Variants in JAKMIP3 observed in about 807,000 individuals in gnomAD.
The protein encoded by JAKMIP3 is janus kinase and microtubule-interacting protein 3.
In JAKMIP3, 58 loss-of-function variants were observed where a neutral mutation model predicts 118.5. The observed-to-expected ratio is 0.49, with a 90% CI of 0.40 to 0.61. JAKMIP3 has a LOEUF of 0.61. Ranked by LOEUF, JAKMIP3 falls within the 20% of genes least tolerant of loss-of-function variation. JAKMIP3 has a pLI of 0.00. For missense variants in JAKMIP3, 950 were observed against 1,109.0 expected, an observed-to-expected ratio of 0.86 and a Z score of 2.04; for synonymous variants, 486 against 451.2, an observed-to-expected ratio of 1.08 and a Z score of -0.98.
At chr10:132,151,604 C>T (rs2056226311) in intron 16 of JAKMIP3, among the ~76,000 whole-genome samples, 1 of 152,226 alleles carries the variant, frequency 6.6e-6, no homozygotes, top group African/African-American at 2.4e-5. Context: ...CTGTATTGGG[C>T]AACTCTGATT....
chr10:132,142,924 G>A (rs1257892362), intron 11 of JAKMIP3, among the ~76,000 whole-genome samples: 2 of 152,188 alleles, frequency 1.3e-5, no homozygotes, highest in Non-Finnish European at 2.9e-5. Flanking sequence ...CTGGGTGGGG[G>A]ACGGACCTCT....
rs1176123974 is a variant in JAKMIP3, at chr10:132,142,062, C to A, written c.1602+14C>A. ...CGAGAAGTTAAGGTCTACGTGACTTCCACCGCGCGTTCCGGCCCCCCTCGT... is the reference window on the plus strand; with the variant it reads ...CGAGAAGTTAAGGTCTACGTGACTTACACCGCGCGTTCCGGCCCCCCTCGT... On this transcript the variant is annotated intron_variant, in intron 11 of 23. Transcript: ENST00000684848. The A allele has an allele frequency of 6.8e-7, 1 of 1,470,480 alleles. No individual in the cohort carries two copies. Among genetic ancestry groups the A allele is most frequent in the Admixed American group, 2.1e-5 (1 of 46,988 alleles). The allele number at this position is 1,470,480 out of a possible 1,614,324, so 91.1% of individuals were successfully genotyped here.
chr10:132,115,050 G>A (rs896919711), intron 2 of JAKMIP3, among the ~76,000 whole-genome samples: 6 of 152,154 alleles, frequency 3.9e-5, no homozygotes, highest in Non-Finnish European at 8.8e-5. Context: ...ATCGGGCGAG[G>A]GTGAATTACG....
At chr10:132,076,886 C>A (rs2040889309) in intron 1 of JAKMIP3, among the ~76,000 whole-genome samples, 1 of 151,072 alleles carries the variant, frequency 6.6e-6, no homozygotes, top group Non-Finnish European at 1.5e-5. Context: ...GTCCCCGGGT[C>A]TGACTGATTA....
At chr10:132,159,670 G>GCAT (rs2057720480) in intron 19 of JAKMIP3, among the ~76,000 whole-genome samples, 1 of 118,766 alleles carries the variant, frequency 8.4e-6, no homozygotes, top group African/African-American at 3.3e-5. Flanking sequence ...GATGCTGGGG[G>GCAT]GTCCTCTCCC....
intron 5 of JAKMIP3, among the ~76,000 whole-genome samples, 192 bp from the exon 6 acceptor site, chr10:132,135,738 C>T (rs1411184683): frequency 6.6e-6 from 1 of 152,186 alleles, no homozygotes; most frequent in Non-Finnish European, 1.5e-5. Context: ...AGCAGGTTCA[C>T]CAGTGCTCTG....
At chr10:132,166,004 A>G (rs1371880684) in intron 21 of JAKMIP3, among the ~76,000 whole-genome samples, 1 of 152,184 alleles carries the variant, frequency 6.6e-6, no homozygotes, top group African/African-American at 2.4e-5. Flanking sequence ...TCTTAACCTA[A>G]GGATATTTGT....
chr10:132,120,237 G>A (rs1788403379), intron 3 of JAKMIP3, among the ~76,000 whole-genome samples: 1 of 152,026 alleles, frequency 6.6e-6, no homozygotes, highest in Non-Finnish European at 1.5e-5. Context: ...CCTGTCAGTG[G>A]GAAGACCAGT....
At chr10:132,124,532 C>T (rs537383646) in intron 3 of JAKMIP3, among the ~76,000 whole-genome samples, 42 of 150,062 alleles carry the variant, frequency 2.8e-4, no homozygotes, top group African/African-American at 9.0e-4. Context: ...CGGCACATCA[C>T]AGCTGAGCTG....
At chr10:132,106,741 C>G (rs1265709031) in intron 2 of JAKMIP3, among the ~76,000 whole-genome samples, 2 of 152,212 alleles carry the variant, frequency 1.3e-5, no homozygotes, top group East Asian at 1.9e-4. Context: ...GGGGAGTTGC[C>G]CCAAATGGAG....
upstream of JAKMIP3, among the ~76,000 whole-genome samples, chr10:132,062,064 C>T (rs749240811): frequency 1.7e-4 from 26 of 151,494 alleles, no homozygotes; most frequent in South Asian, 2.1e-4. Context: ...TGAGCCCAGA[C>T]GAAGAAACCT....
At chr10:132,138,294 G>A in intron 9 of JAKMIP3, 116 bp downstream of exon 9, 1 of 907,316 alleles carries the variant, frequency 1.1e-6, no homozygotes, top group Non-Finnish European at 1.7e-6. Context: ...CGGTGTACGT[G>A]GAGGGCGCTG....
chr10:132,139,434 G>A (rs199737623), intron 9 of JAKMIP3, among the ~76,000 whole-genome samples: 6 of 124,440 alleles, frequency 4.8e-5, no homozygotes, highest in Non-Finnish European at 1.1e-4. Flanking sequence ...GTGTGTTTGT[G>A]TGTACATGTG....
Position 132,133,379 on chromosome 10 carries a change from G to A in JAKMIP3, c.701G>A (p.Gly234Glu). 6.2e-7 allele frequency: 1 copy of A among 1,602,862 alleles called. No individual in the cohort carries two copies. Among genetic ancestry groups the A allele is most frequent in the South Asian group, 1.1e-5 (1 of 88,774 alleles). The stretch of plus-strand genomic sequence containing the variant: ...GAGAGAGAGTTAGGGGTTCAAGCCG[G>A]GCATGCTCAGAGACTGCAGCTCCAA... Reference protein sequence around the residue: ...VLERELGVQAGHAQRLQLQKE... With the variant: ...VLERELGVQAEHAQRLQLQKE... The change falls in exon 4 of 24, where the codon GGG becomes GAG. Residue 234 changes from glycine to glutamate, a missense_variant. Gly to Glu is a moderately conservative substitution (Grantham distance 98). Transcript: ENST00000684848.
rs1429060404 is a variant in JAKMIP3 at position 132,179,315 on chromosome 10, C to A, written c.*1104-3042C>A. Among the ~76,000 whole-genome samples, 1 of 152,162 alleles carries A rather than the reference C, an allele frequency of 6.6e-6. No homozygotes were observed. Among genetic ancestry groups the A allele is most frequent in the Non-Finnish European group, 1.5e-5 (1 of 68,034 alleles). ...ATTTGTTGACGGGACTTTTGGGCTCCCCGGGCTCTGAGCTGGTTGGGGCTC... is the reference window on the plus strand; with the variant it reads ...ATTTGTTGACGGGACTTTTGGGCTCACCGGGCTCTGAGCTGGTTGGGGCTC... On this transcript the variant is annotated intron_variant, in intron 23 of 23. Coordinates refer to ENST00000684848, the MANE Select transcript of JAKMIP3 (RefSeq NM_001323087.2). The surrounding 1 kb of genome is among the most constrained non-coding windows in gnomAD (Gnocchi z 4.3).
intron 2 of JAKMIP3, among the ~76,000 whole-genome samples, chr10:132,107,049 ATTT>A (rs34703494): frequency 3.0e-4 from 39 of 131,680 alleles, no homozygotes; most frequent in Admixed American, 5.8e-4. Flanking sequence ...ATGTCCGGCT[ATTT>A]TTTTTTTTTT....
rs12776458 is a variant in JAKMIP3 at position 132,163,202 on chromosome 10, G to A, written c.2221-7G>A. 1.3e-5 allele frequency: 20 copies of A among 1,551,442 alleles called. No individual in the cohort carries two copies. Among genetic ancestry groups the A allele is most frequent in the South Asian group, 5.9e-5 (5 of 84,202 alleles). On this transcript the variant is annotated splice_region_variant and splice_polypyrimidine_tract_variant and intron_variant, in intron 19 of 23. Coordinates refer to ENST00000684848, the MANE Select transcript of JAKMIP3 (RefSeq NM_001323087.2). ...CAAGGACTAAGGCGTCTCCCCTTCC[G>A]CCCCAGCACATCCTGGAGCTGGAAG...
At chr10:132,124,552 A>G (rs1391655237) in intron 3 of JAKMIP3, among the ~76,000 whole-genome samples, 1 of 136,378 alleles carries the variant, frequency 7.3e-6, no homozygotes, top group African/African-American at 2.6e-5. Context: ...GGCCAGCCGC[A>G]TCGCACACGT....
chr10:132,062,515 G>A (rs938655483), upstream of JAKMIP3, among the ~76,000 whole-genome samples: 20 of 122,036 alleles, frequency 1.6e-4, no homozygotes, highest in South Asian at 2.6e-4. Context: ...TTTCATATGC[G>A]GGGATACAGC....
Sources: gnomAD v4.1 joint callset for allele counts (sites outside exome capture counted in the v4.1 genomes callset) on GRCh38, gnomAD v4.1.1 for gene constraint, Gnocchi (gnomAD v3.1) non-coding constraint, MANE v1.5 for transcripts, NCBI Gene and HGNC (gene_info 2026-07-23, HGNC 2026-07-21) for gene names.